NSL1: variants seen among roughly 807,000 people sequenced by gnomAD.
NSL1 encodes the protein NSL1 component of MIS12 kinetochore complex.
NSL1 carries 11 observed loss-of-function variants against 25.4 expected under a neutral mutation model. That is an observed-to-expected ratio of 0.43 (90% CI 0.27 to 0.72). The LOEUF is 0.72. NSL1 is among the 30% of genes least tolerant of loss of function. The pLI, the probability that NSL1 is intolerant of heterozygous loss-of-function variation, is 0.19. For synonymous variants in NSL1, 118 were observed against 120.6 expected, an observed-to-expected ratio of 0.98 and a Z score of 0.14; for missense variants, 330 against 342.7, an observed-to-expected ratio of 0.96 and a Z score of 0.29.
Position 212,737,635 on chromosome 1 carries a change from T to C in NSL1, c.*773A>G. 5.3e-6 allele frequency: 5 copies of C among 947,424 alleles called. No individual in the cohort carries two copies. The highest frequency in any genetic ancestry group is 6.3e-6 in the Non-Finnish European group (5 of 795,192). The allele number at this position is 947,424 out of a possible 1,614,324, so 58.7% of individuals were successfully genotyped here. On this transcript the variant is annotated 3_prime_UTR_variant, in exon 6 of 6. Transcript: ENST00000366977. Reference sequence around the variant, plus strand: ...ACACTTTGCCAGTGTATTAATCTGATATATATTTTGAACTGGAATGATTTG... The same window carrying C: ...ACACTTTGCCAGTGTATTAATCTGACATATATTTTGAACTGGAATGATTTG...
chr1:212,742,667 A>G (rs1478638592), intron 4 of NSL1, among the ~76,000 whole-genome samples: 1 of 152,190 alleles, frequency 6.6e-6, no homozygotes, highest in Non-Finnish European at 1.5e-5. Flanking sequence ...GAAATAGAGG[A>G]TGGATTAGGC....
chr1:212,789,010 A>G (rs1256326459), intron 1 of NSL1, among the ~76,000 whole-genome samples: 1 of 152,206 alleles, frequency 6.6e-6, no homozygotes, highest in Non-Finnish European at 1.5e-5. Flanking sequence ...CTTATGTCCT[A>G]GAAGGAAGAG....
intron 4 of NSL1, 51 bp downstream of exon 4, chr1:212,782,321 A>T: frequency 1.5e-6 from 2 of 1,311,614 alleles, no homozygotes; most frequent in Non-Finnish European, 2.2e-6. Flanking sequence ...AGAAACCCAT[A>T]AAAATTATAA....
Position 212,735,373 on chromosome 1 carries a change from T to C in NSL1, c.*3035A>G, listed in dbSNP as rs6700258. The C allele has an allele frequency of 6.0e-3, 5,931 of 985,406 alleles. 203 individuals are homozygous for C. The African/African-American group carries it at 0.084, about 14-fold the overall frequency. 61.0% of individuals were successfully genotyped at this position (985,406 alleles called of 1,614,324 possible). A position where few individuals can be genotyped will look rare whatever the true frequency, so the allele number is the denominator to read the frequency against. ...AATGAATGAAGGTGGATAGAGAAGA[T>C]AGGTGTTCACCAGAAATCAAACAAA... is the stretch of plus-strand genomic sequence containing the variant. On this transcript the variant is annotated 3_prime_UTR_variant, in exon 6 of 6. Coordinates refer to ENST00000366977, the MANE Select transcript of NSL1 (RefSeq NM_015471.4).
At position 212,727,599 on chromosome 1, in the gene NSL1, G is replaced by A. The variant is rs1657840429; in HGVS notation, c.*10809C>T. On this transcript the variant is annotated 3_prime_UTR_variant, in exon 6 of 6. Transcript: ENST00000366977. ...AACTTTATGACTCAGTTGTCTGGAA[G>A]TTGTTTTGTAACCTTCTAAAATTCA... 1.0e-6 allele frequency: 1 copy of A among 985,234 alleles called. No individual in the cohort carries two copies. Among genetic ancestry groups the A allele is most frequent in the African/African-American group, 1.7e-5 (1 of 57,218 alleles). 61.0% of individuals were successfully genotyped at this position (985,234 alleles called of 1,614,324 possible).
At chr1:212,771,503 C>T (rs894013398) in intron 4 of NSL1, among the ~76,000 whole-genome samples, 1 of 148,086 alleles carries the variant, frequency 6.8e-6, no homozygotes, top group Non-Finnish European at 1.5e-5. Flanking sequence ...CTAGCCAGAG[C>T]AATCAGGCAA....
intron 4 of NSL1, among the ~76,000 whole-genome samples, chr1:212,771,611 CAA>C (rs57899487): frequency 1.6e-5 from 1 of 63,896 alleles, no homozygotes; most frequent in Non-Finnish European, 3.4e-5. Context: ...AAGACTCCAC[CAA>C]AAAAAAAAAA....
chr1:212,768,327 A>G (rs1363489629), intron 4 of NSL1, among the ~76,000 whole-genome samples: 1 of 151,156 alleles, frequency 6.6e-6, no homozygotes, highest in Non-Finnish European at 1.5e-5. Flanking sequence ...CTCAAAAAAA[A>G]AAAAAAAAAA....
chr1:212,774,294 T>A (rs1293460035), intron 4 of NSL1, among the ~76,000 whole-genome samples: 1 of 152,172 alleles, frequency 6.6e-6, no homozygotes, highest in Non-Finnish European at 1.5e-5. Context: ...GTAATGGATA[T>A]CTTAAATACC....
At chr1:212,739,498 G>A (rs1658398585) in intron 5 of NSL1, 36 bp downstream of exon 5, 4 of 1,597,364 alleles carry the variant, frequency 2.5e-6, no homozygotes, top group Non-Finnish European at 3.4e-6. Flanking sequence ...CATACATTTT[G>A]TTCATTTGAT....
Position 212,775,397 on chromosome 1 carries a change from T to C in NSL1, c.499+6975A>G, listed in dbSNP as rs575119208. Among the ~76,000 whole-genome samples, 60 of 152,350 alleles carry C rather than the reference T, an allele frequency of 3.9e-4. 1 individual carries two copies. In the South Asian group the frequency reaches 0.012, roughly 30 times the overall value. ...CACCTTAAGTGGGTGAACTGTATGG[T>C]ATATGAATTATATCTTGATAAAGCC... On this transcript the variant is annotated intron_variant, in intron 4 of 5. Coordinates refer to ENST00000366977, the MANE Select transcript of NSL1 (RefSeq NM_015471.4).
In NSL1 at chr1:212,731,398, A is replaced by G. The variant is rs1658010251; in HGVS notation, c.*7010T>C. On this transcript the variant is annotated 3_prime_UTR_variant, in exon 6 of 6. Transcript: ENST00000366977. ...TGGCGAGACCCCATCTCTAAAACAAATAAACTAGCCGGGCATGGTGGCACA... is the reference window on the plus strand; with the variant it reads ...TGGCGAGACCCCATCTCTAAAACAAGTAAACTAGCCGGGCATGGTGGCACA... The G allele has an allele frequency of 1.0e-6, 1 of 984,868 alleles. No individual in the cohort carries two copies. The highest frequency in any genetic ancestry group is 1.7e-5 in the African/African-American group (1 of 57,224). 61.0% of individuals were successfully genotyped at this position (984,868 alleles called of 1,614,324 possible).
At chr1:212,777,254 G>C (rs551744566) in intron 4 of NSL1, among the ~76,000 whole-genome samples, 1 of 151,950 alleles carries the variant, frequency 6.6e-6, no homozygotes, top group Non-Finnish European at 1.5e-5. Context: ...ACACATGCCT[G>C]AAGTCCCAGC....
chr1:212,790,288 A>G (rs1661141831), intron 1 of NSL1, among the ~76,000 whole-genome samples: 2 of 151,972 alleles, frequency 1.3e-5, no homozygotes, highest in African/African-American at 2.4e-5. Flanking sequence ...CGGCCTCCCA[A>G]AGTGCTGGGA....
intron 4 of NSL1, among the ~76,000 whole-genome samples, chr1:212,765,777 T>C (rs953680008): frequency 2.0e-5 from 3 of 147,916 alleles, no homozygotes; most frequent in Admixed American, 2.0e-4. Context: ...TGCATTCCAG[T>C]CTGGGAAAGA....
chr1:212,779,019 G>A (rs1302113620), intron 4 of NSL1, among the ~76,000 whole-genome samples: 1 of 139,672 alleles, frequency 7.2e-6, no homozygotes, highest in African/African-American at 2.8e-5. Flanking sequence ...GCCGCCCATC[G>A]TCTGAGATGT....
chr1:212,748,697 T>C (rs1658919925), intron 4 of NSL1, among the ~76,000 whole-genome samples: 1 of 152,126 alleles, frequency 6.6e-6, no homozygotes, highest in Non-Finnish European at 1.5e-5. Flanking sequence ...CTGATAGAAA[T>C]GGTATAATGA....
intron 4 of NSL1, among the ~76,000 whole-genome samples, chr1:212,780,313 GT>G (rs1553254478): frequency 6.6e-6 from 1 of 151,868 alleles, no homozygotes; most frequent in Non-Finnish European, 1.5e-5. Flanking sequence ...CAGCGTGCTC[GT>G]TGAGAGTCAT....
At chr1:212,763,151 G>C (rs532987594) in intron 4 of NSL1, among the ~76,000 whole-genome samples, 1 of 152,288 alleles carries the variant, frequency 6.6e-6, no homozygotes, top group East Asian at 1.9e-4. Context: ...AACTGTGAAA[G>C]AGCTGGGTGA....
Sources: gnomAD v4.1 joint callset for allele counts (sites outside exome capture counted in the v4.1 genomes callset) on GRCh38, gnomAD v4.1.1 for gene constraint, MANE v1.5 for transcripts, NCBI Gene and HGNC (gene_info 2026-07-23, HGNC 2026-07-21) for gene names.